The following IL23R variants were observed in gnomAD, a reference collection of about 807,000 sequenced individuals.
IL23R encodes the protein interleukin 23 receptor, also known as interleukin-23 receptor.
Under a neutral mutation model 56.9 loss-of-function variants are expected in IL23R, and 34 were observed. The ratio of observed to expected loss-of-function variants is 0.60; its 90% CI spans 0.45 to 0.80. IL23R has a LOEUF of 0.80. Ranked by LOEUF, IL23R falls within the 30% of genes least tolerant of loss-of-function variation. IL23R has a pLI of 0.00. For missense variants in IL23R, 635 were observed against 730.0 expected (o/e 0.87, Z 1.50); for synonymous variants, 230 against 249.2 (o/e 0.92, Z 0.73).
chr1:67,216,694 C>A (rs1335177472), intron 6 of IL23R, among the ~76,000 whole-genome samples: 2 of 151,560 alleles, frequency 1.3e-5, no homozygotes, highest in Non-Finnish European at 2.9e-5. Flanking sequence ...AAAAAAATTT[C>A]TTTCAACCAT....
At chr1:67,151,497 G>A (rs1646727702) in intron 1 of IL23R, among the ~76,000 whole-genome samples, 1 of 151,996 alleles carries the variant, frequency 6.6e-6, no homozygotes, top group East Asian at 1.9e-4. Flanking sequence ...CAATTGCTTT[G>A]GGTGTTTTCA....
chr1:67,199,775 T>C (rs1648469713), intron 4 of IL23R, among the ~76,000 whole-genome samples: 1 of 152,176 alleles, frequency 6.6e-6, no homozygotes, highest in South Asian at 2.1e-4. Flanking sequence ...GAAATCATAC[T>C]GTGGCCCTTG....
chr1:67,254,642 G>C (rs923963367), intron 9 of IL23R, among the ~76,000 whole-genome samples: 1 of 152,200 alleles, frequency 6.6e-6, no homozygotes, highest in Non-Finnish European at 1.5e-5. Context: ...AGTTCACTCA[G>C]CCATTTTGGT....
upstream of IL23R, among the ~76,000 whole-genome samples, chr1:67,162,229 G>A (rs1646828682): frequency 6.6e-6 from 1 of 151,818 alleles, no homozygotes; most frequent in African/African-American, 2.4e-5. Context: ...ACTTTGGGAG[G>A]CCGAGGCAGA....
At chr1:67,182,612 G>A (rs1028562736) in intron 3 of IL23R, among the ~76,000 whole-genome samples, 3 of 152,072 alleles carry the variant, frequency 2.0e-5, no homozygotes, top group Admixed American at 6.6e-5. Flanking sequence ...GCCCTGCTTC[G>A]GCTCACACTC....
In IL23R at chr1:67,142,512, G is replaced by A. The variant is rs544730339; in HGVS notation, c.-634+3351G>A. 7.8e-4 allele frequency among the ~76,000 whole-genome samples: 119 copies of A among 152,230 alleles called. 1 individual carries two copies. The highest frequency in any genetic ancestry group is 1.3e-3 in the Non-Finnish European group (89 of 68,026). ...GAGCTGAAGCCTCTCCCATTGGCCT[G>A]CTCTCACAGGTATTTTATAAATACA... On this transcript the variant is annotated intron_variant, in intron 1 of 10. Transcript: ENST00000637002.
At chr1:67,251,409 G>A (rs946321906) in intron 9 of IL23R, among the ~76,000 whole-genome samples, 21 of 146,088 alleles carry the variant, frequency 1.4e-4, no homozygotes, top group African/African-American at 4.9e-4. Flanking sequence ...CTGAGATCAT[G>A]CCACTGCACT....
intron 1 of IL23R, among the ~76,000 whole-genome samples, chr1:67,156,933 T>G (rs1299630768): frequency 6.6e-6 from 1 of 151,824 alleles, no homozygotes; most frequent in African/African-American, 2.4e-5. Flanking sequence ...AGGGCCCTGA[T>G]AGTGTAGGCT....
chr1:67,222,552 CT>C (rs908384984), intron 7 of IL23R, among the ~76,000 whole-genome samples: 9 of 151,784 alleles, frequency 5.9e-5, no homozygotes, highest in African/African-American at 1.2e-4. Context: ...GTTGATAACC[CT>C]TTTTTTTAAT....
intron 8 of IL23R, among the ~76,000 whole-genome samples, chr1:67,239,672 C>T (rs1005538508): frequency 8.6e-5 from 13 of 151,934 alleles, no homozygotes; most frequent in African/African-American, 1.5e-4. Context: ...TTTCTTATCA[C>T]GTATATTGCT....
At chr1:67,246,372 C>T (rs1377674314) in intron 9 of IL23R, among the ~76,000 whole-genome samples, 1 of 152,084 alleles carries the variant, frequency 6.6e-6, no homozygotes, top group African/African-American at 2.4e-5. Context: ...TTTGTTTGCT[C>T]TTGCTTCTCT....
chr1:67,249,640 C>T (rs1018617916), intron 9 of IL23R, among the ~76,000 whole-genome samples: 4 of 152,058 alleles, frequency 2.6e-5, no homozygotes, highest in Admixed American at 1.3e-4. Flanking sequence ...TTTATTTTGA[C>T]AATCCCATGT....
intron 7 of IL23R, among the ~76,000 whole-genome samples, chr1:67,234,981 C>T (rs975943398): frequency 1.3e-5 from 2 of 152,104 alleles, no homozygotes; most frequent in African/African-American, 4.8e-5. Flanking sequence ...CAGGCATGAG[C>T]CACTGCAACT....
intron 6 of IL23R, among the ~76,000 whole-genome samples, chr1:67,216,551 T>C (rs899184456): frequency 3.3e-5 from 5 of 152,212 alleles, no homozygotes; most frequent in South Asian, 2.1e-4. Context: ...AACTCTGTGT[T>C]TGTAGCGTGA....
chr1:67,185,802 T>G (rs1397079516), intron 4 of IL23R, among the ~76,000 whole-genome samples: 2 of 152,198 alleles, frequency 1.3e-5, no homozygotes, highest in Admixed American at 1.3e-4. Flanking sequence ...AGGCATATTC[T>G]GGTACCAAAG....
intron 1 of IL23R, among the ~76,000 whole-genome samples, chr1:67,147,451 C>T (rs1646689274): frequency 6.6e-6 from 1 of 152,182 alleles, no homozygotes; most frequent in African/African-American, 2.4e-5. Context: ...GTAATCCCAG[C>T]ACTTTGGGAG....
chr1:67,239,517 G>A (rs927129243), intron 8 of IL23R, among the ~76,000 whole-genome samples: 1 of 152,122 alleles, frequency 6.6e-6, no homozygotes, highest in South Asian at 2.1e-4. Context: ...CTCCCACCTC[G>A]GCCTCTCAAA....
chr1:67,202,858 A>C (rs1300700722), intron 5 of IL23R, among the ~76,000 whole-genome samples: 1 of 152,116 alleles, frequency 6.6e-6, no homozygotes, highest in African/African-American at 2.4e-5. Context: ...TTCAGGCGTG[A>C]GCCACCATGA....
At chr1:67,155,215 C>T (rs1471413782) in intron 1 of IL23R, among the ~76,000 whole-genome samples, 2 of 152,028 alleles carry the variant, frequency 1.3e-5, no homozygotes, top group Non-Finnish European at 2.9e-5. Context: ...CTCTGGCTGC[C>T]CTTAACAGTT....
Sources: allele counts gnomAD v4.1 joint callset (sites outside exome capture counted in the v4.1 genomes callset), GRCh38; gene constraint gnomAD v4.1.1; transcripts MANE v1.5; gene names NCBI Gene and HGNC (gene_info 2026-07-23, HGNC 2026-07-21).